Variants in LRP1B observed in about 807,000 individuals in gnomAD.
The protein encoded by LRP1B is low-density lipoprotein receptor-related protein 1B.
A neutral mutation model predicts 556.6 loss-of-function variants in LRP1B; 217 were observed. The ratio of observed to expected loss-of-function variants is 0.39; its 90% CI spans 0.35 to 0.44. LRP1B has a LOEUF of 0.44. Ranked by LOEUF, LRP1B falls within the 20% of genes least tolerant of loss-of-function variation. LRP1B has a pLI of 1.00. For missense variants in LRP1B, 5,053 were observed against 5,620.8 expected (o/e 0.90, Z 3.23); for synonymous variants, 2,047 against 1,865.8 (o/e 1.10, Z -2.50).
chr2:141,124,484 TCTA>T lies in LRP1B; in HGVS notation c.1014-62214_1014-62212del, dbSNP rs575469734. Among the ~76,000 whole-genome samples, 15 of 152,194 alleles carry T rather than the reference TCTA, an allele frequency of 9.9e-5. No individual in the cohort carries two copies. The East Asian group carries it at 2.9e-3, about 29-fold the overall frequency. On this transcript the variant is annotated intron_variant, in intron 7 of 90. Transcript: ENST00000389484. ...ATGACATTCTACTTCTTGTCATTTT[TCTA>T]CTGTTTTATGGTTCCAAAGTTCTCC...
chr2:140,315,416 CTTT>C (rs1380816064), intron 82 of LRP1B, among the ~76,000 whole-genome samples: 4 of 151,832 alleles, frequency 2.6e-5, no homozygotes, highest in African/African-American at 9.7e-5. Flanking sequence ...CATCTTATTT[CTTT>C]TTTATTTTAC....
chr2:140,972,028 C>A (rs7586607), intron 18 of LRP1B, among the ~76,000 whole-genome samples: 16,959 of 152,172 alleles, frequency 0.11, 1,027 homozygotes, highest in Middle Eastern at 0.13. Flanking sequence ...CAAGAAACTA[C>A]AAGCCGTTTT....
chr2:141,929,693 T>G (rs1314432850), intron 1 of LRP1B, among the ~76,000 whole-genome samples: 2 of 152,006 alleles, frequency 1.3e-5, no homozygotes, highest in African/African-American at 4.8e-5. Context: ...ATCTCAGGTA[T>G]GCTCTGGCTT....
chr2:141,388,790 T>G (rs1213546680), intron 3 of LRP1B, among the ~76,000 whole-genome samples: 1 of 152,178 alleles, frequency 6.6e-6, no homozygotes, highest in Admixed American at 6.5e-5. Context: ...TTACTAGAGC[T>G]ATTTAAAAAT....
At chr2:141,905,763 A>ACCTGTGT (rs71338143) in intron 1 of LRP1B, among the ~76,000 whole-genome samples, 1 of 115,156 alleles carries the variant, frequency 8.7e-6, no homozygotes, top group Non-Finnish European at 1.9e-5. Context: ...TGGTTTGAAT[A>ACCTGTGT]GATGTGTGTG....
At chr2:141,293,108 G>A (rs979726) in intron 3 of LRP1B, among the ~76,000 whole-genome samples, 15,408 of 152,016 alleles carry the variant, frequency 0.1, 857 homozygotes, top group African/African-American at 0.15. Context: ...CTCTAATTTC[G>A]AATGTAGAAT....
intron 51 of LRP1B, among the ~76,000 whole-genome samples, chr2:140,510,397 T>C (rs1471869467): frequency 6.6e-6 from 1 of 152,212 alleles, no homozygotes; most frequent in Admixed American, 6.5e-5. Flanking sequence ...AGAAAAATAA[T>C]AGTAATTGAA....
At chr2:140,510,962 A>G (rs149732285) in intron 51 of LRP1B, among the ~76,000 whole-genome samples, 43 of 152,192 alleles carry the variant, frequency 2.8e-4, no homozygotes, top group African/African-American at 9.2e-4. Context: ...GTTTATAAAA[A>G]GTACCTGAGT....
At chr2:141,742,371 C>T (rs1693745029) in intron 2 of LRP1B, among the ~76,000 whole-genome samples, 1 of 151,898 alleles carries the variant, frequency 6.6e-6, no homozygotes, top group South Asian at 2.1e-4. Flanking sequence ...CCTGCCTCAG[C>T]CTCTCGAGTA....
rs1024089004 is a variant in LRP1B, at chr2:140,525,993, T to C, written c.7877A>G (p.Asn2626Ser). The change falls in exon 49 of 91, where the codon AAT becomes AGT. Residue 2626 changes from asparagine to serine, a missense_variant and splice_region_variant. This residue lies in a region of LRP1B where 3,619 missense variants were observed against 3,931.9 expected (regional missense o/e 0.92). Coordinates refer to ENST00000389484, the MANE Select transcript of LRP1B (RefSeq NM_018557.3). ...CADASDEKNC[N>S]NTDCTHFYKL... The stretch of plus-strand genomic sequence containing the variant: ...ATAGAAATGTGTGCAGTCTGTGTTA[T>C]CTAGAAGAAGGTAAACAAAAAATGA... 5.6e-6 allele frequency: 9 copies of C among 1,611,470 alleles called. No homozygotes were observed. In the East Asian group the frequency reaches 1.3e-4, roughly 24 times the overall value.
intron 3 of LRP1B, among the ~76,000 whole-genome samples, chr2:141,328,454 C>A (rs1417766828): frequency 6.6e-6 from 1 of 152,136 alleles, no homozygotes; most frequent in African/African-American, 2.4e-5. Context: ...TCTCCTCATG[C>A]TCAATCCTTC....
At chr2:140,344,124 C>T (rs529408396) in intron 77 of LRP1B, among the ~76,000 whole-genome samples, 2 of 151,658 alleles carry the variant, frequency 1.3e-5, no homozygotes, top group Non-Finnish European at 2.9e-5. Flanking sequence ...CTAGATGTAC[C>T]AGCATGTAAA....
chr2:141,432,768 T>G (rs1189546494), intron 3 of LRP1B, among the ~76,000 whole-genome samples: 1 of 152,032 alleles, frequency 6.6e-6, no homozygotes, highest in Non-Finnish European at 1.5e-5. Flanking sequence ...CCTTTACTCT[T>G]GATTTTAGTA....
intron 1 of LRP1B, among the ~76,000 whole-genome samples, chr2:141,981,246 G>T (rs1702035470): frequency 6.6e-6 from 1 of 152,048 alleles, no homozygotes; most frequent in African/African-American, 2.4e-5. Flanking sequence ...GTATAGAATG[G>T]CTGGTTGGGA....
chr2:140,437,098 A>C lies in LRP1B; in HGVS notation c.10414+5406T>G, dbSNP rs191293154. Among the ~76,000 whole-genome samples, 14 of 152,248 alleles carry C rather than the reference A, an allele frequency of 9.2e-5. No individual in the cohort carries two copies. The East Asian group carries it at 1.7e-3, about 19-fold the overall frequency. On this transcript the variant is annotated intron_variant, in intron 66 of 90. Transcript: ENST00000389484. ...GCAACGTAAGATTAAGCAGCAGCTCATCAAGAATAAAGACTTGAAGAGAGC... is the reference window on the plus strand; with the variant it reads ...GCAACGTAAGATTAAGCAGCAGCTCCTCAAGAATAAAGACTTGAAGAGAGC...
chr2:141,172,812 G>A (rs1680563693), intron 7 of LRP1B, among the ~76,000 whole-genome samples: 1 of 151,884 alleles, frequency 6.6e-6, no homozygotes, highest in South Asian at 2.1e-4. Flanking sequence ...TATCTATTAT[G>A]CTCCTTATCC....
intron 86 of LRP1B, among the ~76,000 whole-genome samples, chr2:140,250,558 G>T (rs1681368227): frequency 6.7e-6 from 1 of 150,074 alleles, no homozygotes; most frequent in Admixed American, 6.7e-5. Flanking sequence ...ATGCTAAATT[G>T]TTTCCTTAAT....
chr2:141,258,445 T>G (rs1278039975), intron 3 of LRP1B, among the ~76,000 whole-genome samples: 1 of 152,040 alleles, frequency 6.6e-6, no homozygotes, highest in Non-Finnish European at 1.5e-5. Flanking sequence ...CACTCCAACC[T>G]GGCAACAGTT....
At chr2:140,982,969 A>G (rs548587720) in intron 17 of LRP1B, among the ~76,000 whole-genome samples, 1 of 152,160 alleles carries the variant, frequency 6.6e-6, no homozygotes, top group South Asian at 2.1e-4. Context: ...TTCAATGAAC[A>G]CAAACATGGA....
Sources: gnomAD v4.1 joint callset for allele counts (sites outside exome capture counted in the v4.1 genomes callset) on GRCh38, gnomAD v4.1.1 for gene constraint, gnomAD v4.1.1 regional missense constraint, MANE v1.5 for transcripts, NCBI Gene and HGNC (gene_info 2026-07-23, HGNC 2026-07-21) for gene names.